The following FBXW7 variants were observed in gnomAD, a reference collection of about 807,000 sequenced individuals.
FBXW7 encodes F-box and WD repeat domain containing 7, also known as F-box/WD repeat-containing protein 7.
A neutral mutation model predicts 86.3 loss-of-function variants in FBXW7; 11 were observed. That is an observed-to-expected ratio of 0.13 (90% CI 0.08 to 0.21). The LOEUF is 0.21. Ranked by LOEUF, FBXW7 falls within the 10% of genes least tolerant of loss-of-function variation. The pLI, the probability that FBXW7 is intolerant of heterozygous loss-of-function variation, is 1.00. For missense variants in FBXW7, 488 were observed against 847.4 expected, an observed-to-expected ratio of 0.58 and a Z score of 5.27; for synonymous variants, 313 against 297.9, an observed-to-expected ratio of 1.05 and a Z score of -0.52.
chr4:152,377,244 A>T, intron 4 of FBXW7, among the ~76,000 whole-genome samples: 1 of 152,218 alleles, frequency 6.6e-6, no homozygotes, highest in East Asian at 1.9e-4. Context: ...AGAGTTATTC[A>T]CTTGTCTGAG....
chr4:152,431,176 A>G (rs185616702), intron 2 of FBXW7, among the ~76,000 whole-genome samples: 127 of 152,376 alleles, frequency 8.3e-4, no homozygotes, highest in African/African-American at 2.7e-3. Flanking sequence ...AATGGGAAGG[A>G]GACGAAATAA....
intron 2 of FBXW7, among the ~76,000 whole-genome samples, chr4:152,442,337 A>G (rs1289740551): frequency 6.6e-6 from 1 of 152,230 alleles, no homozygotes; most frequent in Non-Finnish European, 1.5e-5. Flanking sequence ...GCTGGTAGCA[A>G]AAACGAAATC....
At chr4:152,447,454 T>G (rs931364989) in intron 2 of FBXW7, among the ~76,000 whole-genome samples, 10 of 152,204 alleles carry the variant, frequency 6.6e-5, no homozygotes, top group Non-Finnish European at 1.3e-4. Context: ...AATCAAAGTC[T>G]TTGACAGCAT....
At chr4:152,375,945 TGAGAA>T (rs1734467829) in intron 4 of FBXW7, among the ~76,000 whole-genome samples, 1 of 152,058 alleles carries the variant, frequency 6.6e-6, no homozygotes, top group Non-Finnish European at 1.5e-5. Flanking sequence ...TCAACAATAG[TGAGAA>T]ATTACGATAT....
At chr4:152,477,894 G>A (rs1232549330) in intron 2 of FBXW7, among the ~76,000 whole-genome samples, 1 of 151,992 alleles carries the variant, frequency 6.6e-6, no homozygotes, top group Non-Finnish European at 1.5e-5. Context: ...AGAGTATTGA[G>A]CTAAAATTCT....
At chr4:152,344,457 A>T (rs1037359515) in intron 6 of FBXW7, among the ~76,000 whole-genome samples, 2 of 152,114 alleles carry the variant, frequency 1.3e-5, no homozygotes, top group Admixed American at 1.3e-4. Flanking sequence ...TTAACTAAGA[A>T]CATGTTTTCT....
intron 4 of FBXW7, among the ~76,000 whole-genome samples, chr4:152,394,371 C>T (rs1736240690): frequency 6.6e-6 from 1 of 152,076 alleles, no homozygotes. Context: ...GTACTCAAAG[C>T]TCTAAGATTA....
intron 7 of FBXW7, among the ~76,000 whole-genome samples, chr4:152,336,995 T>C (rs1354409438): frequency 1.3e-5 from 2 of 152,018 alleles, no homozygotes. Context: ...CATATACATA[T>C]TACTTATGAA....
chr4:152,392,424 T>C (rs974601826), intron 4 of FBXW7, among the ~76,000 whole-genome samples: 2 of 152,026 alleles, frequency 1.3e-5, no homozygotes, highest in Non-Finnish European at 2.9e-5. Context: ...AAGCCCAAAC[T>C]AGCCCAGGTA....
chr4:152,411,916 T>C (rs1738000185), intron 3 of FBXW7, 44 bp from the exon 4 acceptor site: 2 of 1,414,588 alleles, frequency 1.4e-6, no homozygotes, highest in South Asian at 1.6e-5. Context: ...GTACAATCTA[T>C]ATTATGTTCT....
chr4:152,522,990 G>C (rs912943530), intron 2 of FBXW7, among the ~76,000 whole-genome samples: 43 of 152,280 alleles, frequency 2.8e-4, no homozygotes, highest in African/African-American at 1.0e-3. Context: ...GTAGTATTTT[G>C]AATCTTATCT....
At chr4:152,386,090 T>C (rs1735504592) in intron 4 of FBXW7, among the ~76,000 whole-genome samples, 1 of 152,076 alleles carries the variant, frequency 6.6e-6, no homozygotes, top group South Asian at 2.1e-4. Context: ...CTTCAAAATG[T>C]AGCTAATTCC....
At chr4:152,498,569 G>A (rs555860322) in intron 2 of FBXW7, among the ~76,000 whole-genome samples, 11 of 152,280 alleles carry the variant, frequency 7.2e-5, no homozygotes, top group East Asian at 1.9e-4. Context: ...CAATGCAAGC[G>A]ATATAAAGAG....
chr4:152,459,170 G>C (rs1438667567), intron 2 of FBXW7, among the ~76,000 whole-genome samples: 1 of 152,108 alleles, frequency 6.6e-6, no homozygotes, highest in Non-Finnish European at 1.5e-5. Context: ...GACTATAACT[G>C]CAGCATGACT....
chr4:152,442,622 G>T (rs533554007), intron 2 of FBXW7, among the ~76,000 whole-genome samples: 1 of 152,210 alleles, frequency 6.6e-6, no homozygotes, highest in Admixed American at 6.5e-5. Flanking sequence ...CAGTACACAT[G>T]TACTGACCAG....
intron 2 of FBXW7, among the ~76,000 whole-genome samples, chr4:152,452,762 T>A (rs899429650): frequency 6.6e-6 from 1 of 152,268 alleles, no homozygotes; most frequent in African/African-American, 2.4e-5. Context: ...TAATTTTTTT[T>A]CCTGAGAAGA....
At chr4:152,449,865 G>C (rs1055977844) in intron 2 of FBXW7, among the ~76,000 whole-genome samples, 17 of 152,136 alleles carry the variant, frequency 1.1e-4, no homozygotes, top group African/African-American at 4.1e-4. Flanking sequence ...ATACTTTATA[G>C]TCTTCACAAA....
At chr4:152,342,441 T>C (rs966615360) in intron 6 of FBXW7, among the ~76,000 whole-genome samples, 8 of 152,224 alleles carry the variant, frequency 5.3e-5, no homozygotes, top group African/African-American at 1.2e-4. Context: ...CGCCAGCAGA[T>C]AGTCTGATTC....
chr4:152,472,152 A>G (rs1325476291), intron 2 of FBXW7, among the ~76,000 whole-genome samples: 1 of 152,206 alleles, frequency 6.6e-6, no homozygotes, highest in Non-Finnish European at 1.5e-5. Context: ...ACCAAGTGTA[A>G]GCAAAAATCT....
Sources: gnomAD v4.1 joint callset for allele counts (sites outside exome capture counted in the v4.1 genomes callset) on GRCh38, gnomAD v4.1.1 for gene constraint, MANE v1.5 for transcripts, NCBI Gene and HGNC (gene_info 2026-07-23, HGNC 2026-07-21) for gene names.